CAST: variants seen among roughly 807,000 people sequenced by gnomAD.
CAST encodes the protein MIR583 host.
A neutral mutation model predicts 119.6 loss-of-function variants in CAST; 76 were observed. The ratio of observed to expected loss-of-function variants is 0.64; its 90% CI spans 0.53 to 0.77. The LOEUF (loss-of-function observed/expected upper bound fraction) is 0.77, where lower values mean the gene tolerates loss of function less well. CAST is among the 30% of genes least tolerant of loss of function. The probability of loss-of-function intolerance (pLI) is 0.00; values close to 1 mark genes in which losing one functional copy is unlikely to be tolerated. For missense variants in CAST, 953 were observed against 946.5 expected (o/e 1.01, Z -0.09); for synonymous variants, 319 against 331.6 (o/e 0.96, Z 0.41).
At chr5:96,190,002 A>G in the CAST span, among the ~76,000 whole-genome samples, 1 of 152,060 alleles carries the variant, frequency 6.6e-6, no homozygotes, top group Non-Finnish European at 1.5e-5. Context: ...ATCAGTTCTT[A>G]TTTTAGAATA....
At chr5:96,508,671 G>A in the CAST span, among the ~76,000 whole-genome samples, 1 of 152,266 alleles carries the variant, frequency 6.6e-6, no homozygotes, top group South Asian at 2.1e-4. Context: ...GGGTTAGAGA[G>A]GCGCTACATC....
intron 4 of CAST, among the ~76,000 whole-genome samples, 196 bp from the exon 5 acceptor site, chr5:96,726,598 T>C (rs919926904): frequency 3.3e-5 from 5 of 152,188 alleles, no homozygotes; most frequent in African/African-American, 1.2e-4. Context: ...TGAAAAAATG[T>C]AAACACAAAC....
chr5:96,128,777 A>G, the CAST span, among the ~76,000 whole-genome samples: 48 of 152,094 alleles, frequency 3.2e-4, no homozygotes, highest in Non-Finnish European at 6.2e-4. Context: ...CCAGTTCAGA[A>G]GGACAGTAGA....
the CAST span, among the ~76,000 whole-genome samples, chr5:96,056,049 A>G: frequency 2.8e-3 from 425 of 152,218 alleles, 3 homozygotes; most frequent in African/African-American, 9.7e-3. Flanking sequence ...TTTTGAAAAC[A>G]TCGTTTTAAA....
the CAST span, among the ~76,000 whole-genome samples, chr5:96,444,477 TCTTTC>T: frequency 2.0e-5 from 3 of 152,360 alleles, no homozygotes; most frequent in East Asian, 5.8e-4. Context: ...TTAAATATCC[TCTTTC>T]CTTCAAATAT....
chr5:96,258,734 T>C, the CAST span, among the ~76,000 whole-genome samples: 25 of 152,354 alleles, frequency 1.6e-4, no homozygotes, highest in Non-Finnish European at 3.2e-4. Flanking sequence ...AGCATAGATA[T>C]GATAAAATTG....
chr5:95,992,960 G>T, the CAST span, among the ~76,000 whole-genome samples: 1 of 152,244 alleles, frequency 6.6e-6, no homozygotes, highest in Non-Finnish European at 1.5e-5. Context: ...TTTGACATCA[G>T]TGTAGTGTGG....
the CAST span, among the ~76,000 whole-genome samples, chr5:96,506,374 A>G: frequency 6.6e-6 from 1 of 152,236 alleles, no homozygotes; most frequent in African/African-American, 2.4e-5. Flanking sequence ...TAAGACAATT[A>G]AGCTCAAATG....
intron 1 of CAST, among the ~76,000 whole-genome samples, chr5:96,591,237 A>G (rs1242252994): frequency 6.6e-6 from 1 of 152,248 alleles, no homozygotes; most frequent in Non-Finnish European, 1.5e-5. Context: ...TAGTTTAAAG[A>G]GAGTTTATTC....
At chr5:96,561,951 C>A (rs1317333102) in intron 1 of CAST, among the ~76,000 whole-genome samples, 1 of 149,262 alleles carries the variant, frequency 6.7e-6, no homozygotes, top group Non-Finnish European at 1.5e-5. Context: ...CGCTACCACG[C>A]CCGGCTAATT....
At chr5:96,538,147 A>G (rs1745851435) in intron 1 of CAST, among the ~76,000 whole-genome samples, 1 of 152,218 alleles carries the variant, frequency 6.6e-6, no homozygotes, top group Non-Finnish European at 1.5e-5. Flanking sequence ...AAACCAGGTC[A>G]CCTGGTGTCC....
chr5:96,104,004 G>A, the CAST span, among the ~76,000 whole-genome samples: 1 of 152,170 alleles, frequency 6.6e-6, no homozygotes, highest in Non-Finnish European at 1.5e-5. Flanking sequence ...GCCAGTGATG[G>A]TGTGTTTTTT....
the CAST span, among the ~76,000 whole-genome samples, chr5:96,397,174 T>A: frequency 6.6e-6 from 1 of 152,226 alleles, no homozygotes; most frequent in Non-Finnish European, 1.5e-5. Context: ...ATTATCTACG[T>A]AACCAAGTGG....
At chr5:96,596,177 G>T (rs1487790044) in intron 1 of CAST, among the ~76,000 whole-genome samples, 1 of 152,186 alleles carries the variant, frequency 6.6e-6, no homozygotes, top group Non-Finnish European at 1.5e-5. Context: ...GGATTGAGAT[G>T]GGTAGATTGT....
At position 96,762,260 on chromosome 5, in the gene CAST, T is replaced by C. The variant is rs1477024629; in HGVS notation, c.1834-14T>C. 9.5e-6 allele frequency: 15 copies of C among 1,585,394 alleles called. No individual in the cohort carries two copies. Among genetic ancestry groups the C allele is most frequent in the Non-Finnish European group, 1.3e-5 (15 of 1,163,606 alleles). On this transcript the variant is annotated splice_polypyrimidine_tract_variant and intron_variant, in intron 24 of 31. Coordinates refer to ENST00000675179, the MANE Select transcript of CAST (RefSeq NM_001750.7). ...TATACAACATGTTACTAATAAAATT[T>C]TTTTCAATAAAAGAAATTTGAAGAT...
chr5:96,554,780 C>T (rs530596849), intron 1 of CAST, among the ~76,000 whole-genome samples: 1 of 152,286 alleles, frequency 6.6e-6, no homozygotes, highest in East Asian at 1.9e-4. Flanking sequence ...GACATTTATG[C>T]AGCCAACAGA....
chr5:96,659,465 A>G (rs1748213302), upstream of CAST, among the ~76,000 whole-genome samples: 1 of 152,206 alleles, frequency 6.6e-6, no homozygotes, highest in African/African-American at 2.4e-5. Flanking sequence ...CTGAGTAAAT[A>G]AAGGAATAAA....
intron 1 of CAST, among the ~76,000 whole-genome samples, chr5:96,626,787 AG>A (rs752552108): frequency 2.6e-5 from 4 of 152,214 alleles, no homozygotes; most frequent in Non-Finnish European, 4.4e-5. Context: ...CTATGTTATC[AG>A]GAGCCCTGTC....
At chr5:96,641,071 C>T (rs1747943786) in intron 1 of CAST, among the ~76,000 whole-genome samples, 1 of 152,094 alleles carries the variant, frequency 6.6e-6, no homozygotes, top group African/African-American at 2.4e-5. Flanking sequence ...AAATATTACC[C>T]ATTAGTTAAA....
Sources: gnomAD v4.1 joint callset for allele counts (sites outside exome capture counted in the v4.1 genomes callset) on GRCh38, gnomAD v4.1.1 for gene constraint, MANE v1.5 for transcripts, NCBI Gene and HGNC (gene_info 2026-07-23, HGNC 2026-07-21) for gene names.